The following SCHIP1 variants were observed in gnomAD, a reference collection of about 807,000 sequenced individuals.
SCHIP1 encodes the protein schwannomin-interacting protein 1.
A neutral mutation model predicts 29.7 loss-of-function variants in SCHIP1; 8 were observed. The ratio of observed to expected loss-of-function variants is 0.27; its 90% CI spans 0.16 to 0.49. The LOEUF (loss-of-function observed/expected upper bound fraction) is 0.49. SCHIP1 is among the 20% of genes least tolerant of loss of function. The pLI is 0.99. For missense variants in SCHIP1, 193 were observed against 294.6 expected (o/e 0.66, Z 2.52); for synonymous variants, 76 against 94.9 (o/e 0.80, Z 1.16).
chr3:159,817,636 G>A, the SCHIP1 span, among the ~76,000 whole-genome samples: 1 of 152,108 alleles, frequency 6.6e-6, no homozygotes, highest in African/African-American at 2.4e-5. Context: ...TTAACCCATG[G>A]GACCCTTTGG....
the SCHIP1 span, among the ~76,000 whole-genome samples, chr3:159,774,249 A>G: frequency 3.9e-5 from 6 of 152,194 alleles, no homozygotes; most frequent in African/African-American, 1.4e-4. Context: ...AAAATCTGCA[A>G]GAGCTCTCCT....
chr3:159,415,758 G>C, the SCHIP1 span, among the ~76,000 whole-genome samples: 1 of 152,028 alleles, frequency 6.6e-6, no homozygotes, highest in South Asian at 2.1e-4. Flanking sequence ...TATTTGTGAA[G>C]ATTAAATAAA....
At chr3:159,456,523 A>G in the SCHIP1 span, among the ~76,000 whole-genome samples, 2 of 152,312 alleles carry the variant, frequency 1.3e-5, no homozygotes. Flanking sequence ...ATCCTGTGAA[A>G]GTTAGAGATC....
chr3:159,429,207 A>G, the SCHIP1 span, among the ~76,000 whole-genome samples: 2 of 137,006 alleles, frequency 1.5e-5, no homozygotes, highest in East Asian at 4.3e-4. Context: ...ATAATAAAAA[A>G]AAAGAAAATG....
At chr3:159,635,995 T>TG in the SCHIP1 span, among the ~76,000 whole-genome samples, 24 of 151,930 alleles carry the variant, frequency 1.6e-4, no homozygotes, top group African/African-American at 5.6e-4. Context: ...ATTTTTCTTT[T>TG]GAAAAAAAAT....
At chr3:159,727,093 G>A in the SCHIP1 span, among the ~76,000 whole-genome samples, 4 of 152,108 alleles carry the variant, frequency 2.6e-5, no homozygotes, top group African/African-American at 9.7e-5. Context: ...AAGAAACTTT[G>A]GTCAGGCTCC....
At chr3:159,588,744 T>C in the SCHIP1 span, among the ~76,000 whole-genome samples, 1 of 152,234 alleles carries the variant, frequency 6.6e-6, no homozygotes, top group Non-Finnish European at 1.5e-5. Context: ...TTTCTTGTTT[T>C]TGTCAGGTTT....
At chr3:159,464,827 C>T in the SCHIP1 span, among the ~76,000 whole-genome samples, 4 of 152,152 alleles carry the variant, frequency 2.6e-5, no homozygotes, top group African/African-American at 9.7e-5. Flanking sequence ...CACAGCTAAT[C>T]TTCTCTATGG....
chr3:159,521,436 G>T, the SCHIP1 span, among the ~76,000 whole-genome samples: 2 of 152,180 alleles, frequency 1.3e-5, no homozygotes, highest in Non-Finnish European at 2.9e-5. Flanking sequence ...TGGATTTATG[G>T]CTTCTTTAGA....
chr3:159,632,757 C>T, the SCHIP1 span, among the ~76,000 whole-genome samples: 8 of 152,234 alleles, frequency 5.3e-5, no homozygotes, highest in African/African-American at 1.7e-4. Flanking sequence ...CAGGGGAGGA[C>T]GGACTATGAT....
chr3:159,643,281 G>T, the SCHIP1 span, among the ~76,000 whole-genome samples: 1 of 152,052 alleles, frequency 6.6e-6, no homozygotes, highest in Admixed American at 6.6e-5. Flanking sequence ...GGTAGAATTT[G>T]TTACTTTGGT....
chr3:159,310,759 C>T, the SCHIP1 span, among the ~76,000 whole-genome samples: 3 of 152,166 alleles, frequency 2.0e-5, no homozygotes, highest in African/African-American at 7.2e-5. Flanking sequence ...GGCTATCACA[C>T]AAAATTTCTA....
the SCHIP1 span, chr3:159,764,273 G>A: frequency 9.0e-6 from 6 of 668,698 alleles, no homozygotes; most frequent in Non-Finnish European, 7.1e-6. This position sits in a 1 kb window ranked among gnomAD's most constrained non-coding sequence, Gnocchi z 6.1. Context: ...AGGCGGGCAG[G>A]AGGGAAGCCT....
the SCHIP1 span, among the ~76,000 whole-genome samples, chr3:159,481,618 G>C: frequency 6.6e-6 from 1 of 152,250 alleles, no homozygotes; most frequent in Non-Finnish European, 1.5e-5. Flanking sequence ...TTCTGTAAGT[G>C]AGTTCTGAGA....
At chr3:159,335,122 A>G in the SCHIP1 span, among the ~76,000 whole-genome samples, 6 of 149,626 alleles carry the variant, frequency 4.0e-5, no homozygotes, top group Non-Finnish European at 5.9e-5. Context: ...CTGGTCTCGA[A>G]CTCCTGACCT....
At chr3:159,481,565 A>G in the SCHIP1 span, among the ~76,000 whole-genome samples, 2 of 152,144 alleles carry the variant, frequency 1.3e-5, no homozygotes, top group Admixed American at 6.6e-5. Flanking sequence ...GGTATTCTGC[A>G]TTTTTATTTG....
the SCHIP1 span, among the ~76,000 whole-genome samples, chr3:159,281,528 A>G: frequency 6.6e-6 from 1 of 152,226 alleles, no homozygotes; most frequent in Non-Finnish European, 1.5e-5. Context: ...TTCTTAATGT[A>G]TGTACATTTT....
intron 1 of SCHIP1, among the ~76,000 whole-genome samples, chr3:159,846,726 T>C (rs1383390254): frequency 1.3e-5 from 2 of 152,330 alleles, no homozygotes; most frequent in East Asian, 3.9e-4. Context: ...TTTTTTTCTA[T>C]AGTTAATAGT....
the SCHIP1 span, among the ~76,000 whole-genome samples, chr3:159,494,538 C>G: frequency 6.6e-6 from 1 of 152,214 alleles, no homozygotes; most frequent in Non-Finnish European, 1.5e-5. Context: ...CATACACCCT[C>G]TCAAGCCTAA....
Sources: allele counts gnomAD v4.1 joint callset (sites outside exome capture counted in the v4.1 genomes callset), GRCh38; gene constraint gnomAD v4.1.1; non-coding constraint Gnocchi (gnomAD v3.1); transcripts MANE v1.5; gene names NCBI Gene and HGNC (gene_info 2026-07-23, HGNC 2026-07-21).